The following PGAP6 variants were observed in gnomAD, a reference collection of about 807,000 sequenced individuals.
The protein encoded by PGAP6 is post-GPI attachment to proteins factor 6.
Under a neutral mutation model 68.4 loss-of-function variants are expected in PGAP6, and 62 were observed. The ratio of observed to expected loss-of-function variants is 0.91; its 90% CI spans 0.74 to 1.12. The LOEUF (loss-of-function observed/expected upper bound fraction) is 1.12. Among genes scored for constraint, PGAP6 ranks in the 50% most tolerant of loss-of-function variants. The pLI, the probability that PGAP6 is intolerant of heterozygous loss-of-function variation, is 0.00. For missense variants in PGAP6, 1,188 were observed against 1,068.5 expected (o/e 1.11, Z -1.56); for synonymous variants, 575 against 474.0 (o/e 1.21, Z -2.77).
chr16:374,187 C>A (rs1208262255), intron 10 of PGAP6, 34 bp downstream of exon 10: 3 of 1,610,612 alleles, frequency 1.9e-6, no homozygotes, highest in South Asian at 2.2e-5. Context: ...TCCTGCCCTC[C>A]CACCCCACAT....
rs1661948391 is a variant in PGAP6 at position 381,905 on chromosome 16, C to CGCCGCCGCCCGGGCA, written c.-85_-84insTGCCCGGGCGGCGGC. The CGCCGCCGCCCGGGCA allele has an allele frequency of 5.5e-6, 1 of 181,456 alleles. No individual in the cohort carries two copies. The highest frequency in any genetic ancestry group is 6.5e-6 in the Non-Finnish European group (1 of 152,690). The allele number at this position is 181,456 out of a possible 1,614,324, so 11.2% of individuals were successfully genotyped here. A position where few individuals can be genotyped will look rare whatever the true frequency, so the allele number is the denominator to read the frequency against. ...CCGCCCGGGCAGCCTCTGCCGCCTC[C>CGCCGCCGCCCGGGCA]GCCTCTGCCGCCTCCGCCTCTGCCC... On this transcript the variant is annotated 5_prime_UTR_variant, in exon 1 of 13. Coordinates refer to ENST00000431232, the MANE Select transcript of PGAP6 (RefSeq NM_021259.3).
intron 6 of PGAP6, 148 bp downstream of exon 6, chr16:375,988 C>A: frequency 5.0e-6 from 4 of 807,112 alleles, no homozygotes; most frequent in South Asian, 3.8e-5. Context: ...GCAGGGGAGG[C>A]CCCCCAACAT....
upstream of PGAP6, chr16:383,322 C>T (rs372305178): frequency 6.6e-6 from 1 of 152,208 alleles, no homozygotes; most frequent in Non-Finnish European, 1.5e-5. Context: ...CTGCTTGCAG[C>T]AGGCAGAGGA....
rs757375536 is a variant in PGAP6, at chr16:376,461, G to A, written c.905-6C>T. 117 of 1,558,472 alleles carry A rather than the reference G, an allele frequency of 7.5e-5. No individual in the cohort carries two copies. The highest frequency in any genetic ancestry group is 3.6e-4 in the East Asian group (16 of 44,390). ...CACGCTCCGTGGCCTGCAAGCTGCC[G>A]AGAGGACAAGGGGTTTGGCTGGAGG... On this transcript the variant is annotated splice_region_variant and splice_polypyrimidine_tract_variant and intron_variant, in intron 5 of 12. Coordinates refer to ENST00000431232, the MANE Select transcript of PGAP6 (RefSeq NM_021259.3).
chr16:383,903 G>A (rs2054465168), upstream of PGAP6, among the ~76,000 whole-genome samples: 1 of 152,228 alleles, frequency 6.6e-6, no homozygotes, highest in African/African-American at 2.4e-5. Context: ...GAAGGCCAGA[G>A]CAGCGGAGGT....
Position 375,413 on chromosome 16 carries a change from ACGGTCTCGTTC to A in PGAP6, c.1236_1246del (p.Asn413ArgfsTer61). On this transcript the variant is annotated frameshift_variant, in exon 7 of 13. Coordinates refer to ENST00000431232, the MANE Select transcript of PGAP6 (RefSeq NM_021259.3). LOFTEE classifies it high-confidence loss of function. ...GGCAGCATTCACGCAGGCCACTACG[ACGGTCTCGTTC>A]CGCATCTCTGTCTGGAAAGGGAGGC... 1.2e-6 allele frequency: 2 copies of A among 1,612,534 alleles called. No homozygotes were observed. The highest frequency in any genetic ancestry group is 1.7e-6 in the Non-Finnish European group (2 of 1,179,946).
rs1268832651 is a variant in PGAP6 at position 375,232 on chromosome 16, G to C, written c.1340C>G (p.Ser447Cys). Residue 447 changes from serine to cysteine, a missense_variant, in exon 8 of 13, where the codon TCT becomes TGT. Physicochemically the swap from Ser to Cys is moderately radical, Grantham distance 112. Coordinates refer to ENST00000431232, the MANE Select transcript of PGAP6 (RefSeq NM_021259.3). ...GGCCCTGCGAGACCAGGCGCTCAGA[G>C]ACAAAGGGTAGCCCTGGAAGAAGGC... ...TTAFFQGYPL[S>C]LSAWSRRANL... 6.2e-7 allele frequency: 1 copy of C among 1,613,138 alleles called. No homozygotes were observed. Among genetic ancestry groups the C allele is most frequent in the Non-Finnish European group, 8.5e-7 (1 of 1,179,992 alleles).
Position 376,392 on chromosome 16 carries a change from T to C in PGAP6, c.968A>G (p.Asn323Ser), listed in dbSNP as rs566426734. Residue 323 changes from asparagine to serine, a missense_variant, in exon 6 of 13, where the codon AAT (asparagine) becomes AGT (serine). Physicochemically the swap from Asn to Ser is conservative, Grantham distance 46 (BLOSUM62 1). Coordinates refer to ENST00000431232, the MANE Select transcript of PGAP6 (RefSeq NM_021259.3). ...LLQSSQNQSF[N>S]ASSGLLSPSP... ...CGGGGACAGCAGACCAGAGGAGGCA[T>C]TGAAGCTCTGGTTTTGGCTGCTCTG... is the stretch of plus-strand genomic sequence containing the variant. The C allele has an allele frequency of 3.4e-5, 54 of 1,606,330 alleles. No individual in the cohort carries two copies. Among genetic ancestry groups the C allele is most frequent in the South Asian group, 2.2e-4 (20 of 90,738 alleles).
Position 372,693 on chromosome 16 carries a change from A to G in PGAP6, c.1937T>C (p.Met646Thr), listed in dbSNP as rs528615367. 4 of 1,612,478 alleles carry G rather than the reference A, an allele frequency of 2.5e-6. No individual in the cohort carries two copies. The African/African-American group carries it at 5.3e-5, about 21-fold the overall frequency. Residue 646 changes from methionine (M) to threonine (T), a missense_variant, in exon 12 of 13, where the codon ATG (methionine) becomes ACG (threonine). By Grantham distance (81) the Met-to-Thr change is moderately conservative. Transcript: ENST00000431232. ...LFLLGTLVIA[M>T]SLQLDRRGMW... ...GCCCCTGCGGTCCAGCTGCAAGGAC[A>G]TGGCGATGACCAGTGTACCCAGAAG...
rs759541915 is a variant in PGAP6 at position 376,737 on chromosome 16, G to A, written c.711C>T (p.Cys237=). Residue 237 remains cysteine, a synonymous_variant, in exon 5 of 13, where the codon TGC becomes TGT. Transcript: ENST00000431232. The part of the protein sequence containing the change: ...RDCVSNGSLG[C]PVRLTVGPVT... Reference sequence around the variant, plus strand: ...CCGGGCCCACGGTGAGACGCACGGGGCAGCCCAGGCTCCCATTGGACACGC... The same window carrying A: ...CCGGGCCCACGGTGAGACGCACGGGACAGCCCAGGCTCCCATTGGACACGC... The A allele has an allele frequency of 5.0e-6, 8 of 1,611,388 alleles. No homozygotes were observed. The East Asian group carries it at 8.9e-5, about 18-fold the overall frequency.
chr16:383,795 C>T (rs530176584), upstream of PGAP6, among the ~76,000 whole-genome samples: 7 of 152,248 alleles, frequency 4.6e-5, no homozygotes, highest in Middle Eastern at 3.4e-3. Context: ...GGGATGGCCG[C>T]AGGGACCATA....
At position 374,897 on chromosome 16, in the gene PGAP6, G is replaced by A. The variant is rs1363204801; in HGVS notation, c.1440-5C>T. 6.2e-7 allele frequency: 1 copy of A among 1,612,708 alleles called. No individual in the cohort carries two copies. Among genetic ancestry groups the A allele is most frequent in the Non-Finnish European group, 8.5e-7 (1 of 1,179,872 alleles). ...ACCACAGCCTGCTCACAGTCCCTTTGAGGAAGGGGCCACAGGAAAGCTGGT... is the reference window on the plus strand; with the variant it reads ...ACCACAGCCTGCTCACAGTCCCTTTAAGGAAGGGGCCACAGGAAAGCTGGT... On this transcript the variant is annotated splice_polypyrimidine_tract_variant and splice_region_variant and intron_variant, in intron 8 of 12. Transcript: ENST00000431232.
upstream of PGAP6, among the ~76,000 whole-genome samples, chr16:383,781 G>T (rs2054464032): frequency 6.6e-6 from 1 of 152,220 alleles, no homozygotes; most frequent in Admixed American, 6.5e-5. Context: ...GCGGGGTGGG[G>T]ATGGGGATGG....
intron 1 of PGAP6, among the ~76,000 whole-genome samples, chr16:378,387 G>C (rs77733496): frequency 0.39 from 1,696 of 4,368 alleles, 23 homozygotes; most frequent in Middle Eastern, 0.4. Context: ...TCGCCACCCT[G>C]ACTGCCATCG....
At chr16:376,941 A>G in intron 4 of PGAP6, 96 bp downstream of exon 4, 1 of 1,566,510 alleles carries the variant, frequency 6.4e-7, no homozygotes, top group Non-Finnish European at 8.6e-7. Flanking sequence ...TCCCAGCCCA[A>G]CCCCAGGACT....
In PGAP6 at chr16:381,764, G is replaced by A; in HGVS notation, c.58C>T (p.Pro20Ser). Residue 20 changes from proline to serine, a missense_variant, in exon 1 of 13, where the codon CCG (proline) becomes TCG (serine). Physicochemically the swap from Pro to Ser is moderately conservative, Grantham distance 74. Transcript: ENST00000431232. ...GEAVAAVVAG[P>S]LLLLLLARPP... ...CGGGCAAGCAGCAGCAGCAGCAGCG[G>A]CCCCGCCACCACCGCGGCCACCGCC... 1 of 1,199,940 alleles carries A rather than the reference G, an allele frequency of 8.3e-7. No individual in the cohort carries two copies. Among genetic ancestry groups the A allele is most frequent in the South Asian group, 3.7e-5 (1 of 27,208 alleles). The allele number at this position is 1,199,940 out of a possible 1,614,324, so 74.3% of individuals were successfully genotyped here. A position where few individuals can be genotyped will look rare whatever the true frequency, so the allele number is the denominator to read the frequency against.
Position 381,750 on chromosome 16 carries a change from C to A in PGAP6, c.72G>T (p.Leu24=). The part of the protein sequence containing the change: ...AAVVAGPLLL[L]LLARPPPASA... ...AGGCAGGCGGGGGCCGGGCAAGCAG[C>A]AGCAGCAGCAGCGGCCCCGCCACCA... The change falls in exon 1 of 13, where the codon CTG becomes CTT. Residue 24 remains leucine, a synonymous_variant. Coordinates refer to ENST00000431232, the MANE Select transcript of PGAP6 (RefSeq NM_021259.3). 1 of 1,209,484 alleles carries A rather than the reference C, an allele frequency of 8.3e-7. No individual in the cohort carries two copies. The highest frequency in any genetic ancestry group is 3.5e-5 in the East Asian group (1 of 28,674). The allele number at this position is 1,209,484 out of a possible 1,614,324, so 74.9% of individuals were successfully genotyped here. A position where few individuals can be genotyped will look rare whatever the true frequency, so the allele number is the denominator to read the frequency against.
intron 12 of PGAP6, 64 bp downstream of exon 12, chr16:372,547 G>T: frequency 4.5e-6 from 6 of 1,325,750 alleles, no homozygotes; most frequent in Non-Finnish European, 6.5e-6. Context: ...CGTGGCTAGA[G>T]CAAGGGGCCA....
upstream of PGAP6, chr16:382,424 G>A (rs1259176894): frequency 1.1e-5 from 4 of 377,296 alleles, no homozygotes; most frequent in Non-Finnish European, 1.9e-5. Context: ...CCTGAGTCAG[G>A]CGCCTCAGCA....
Sources: gnomAD v4.1 joint callset for allele counts (sites outside exome capture counted in the v4.1 genomes callset) on GRCh38, gnomAD v4.1.1 for gene constraint, MANE v1.5 for transcripts, NCBI Gene and HGNC (gene_info 2026-07-23, HGNC 2026-07-21) for gene names.